The following REDIC1 variants were observed in gnomAD, a reference collection of about 807,000 sequenced individuals.
REDIC1 encodes HEI10 Interacting Protein 1.
At chr12:39,879,420 G>T in the REDIC1 span, among the ~76,000 whole-genome samples, 39,202 of 152,158 alleles carry the variant, frequency 0.26, 5,341 homozygotes, top group East Asian at 0.39. Context: ...CAGCCCTGGG[G>T]ACTGAACCCT....
chr12:39,649,712 T>C, the REDIC1 span, among the ~76,000 whole-genome samples: 2 of 151,932 alleles, frequency 1.3e-5, no homozygotes, highest in African/African-American at 2.4e-5. Context: ...GCCAATATAA[T>C]AAGTTACATT....
chr12:39,829,341 C>T, the REDIC1 span: 2 of 128,966 alleles, frequency 1.6e-5, no homozygotes, highest in Admixed American at 1.6e-4. Flanking sequence ...GAAAAGGCCT[C>T]TAAGAATAAA....
chr12:39,696,881 G>A, the REDIC1 span, among the ~76,000 whole-genome samples: 1 of 152,006 alleles, frequency 6.6e-6, no homozygotes, highest in Non-Finnish European at 1.5e-5. Context: ...CACAGTCAGA[G>A]GAGACAAAAG....
At chr12:39,714,859 C>T in the REDIC1 span, among the ~76,000 whole-genome samples, 4 of 151,942 alleles carry the variant, frequency 2.6e-5, no homozygotes, top group African/African-American at 9.6e-5. Flanking sequence ...ATTGGTATAT[C>T]TTCTTTTGAG....
the REDIC1 span, among the ~76,000 whole-genome samples, chr12:39,898,315 C>T: frequency 2.6e-5 from 4 of 152,012 alleles, no homozygotes; most frequent in Non-Finnish European, 5.9e-5. Flanking sequence ...CACCCACATG[C>T]CCAAAACATT....
At chr12:39,890,834 T>G in the REDIC1 span, among the ~76,000 whole-genome samples, 1 of 152,098 alleles carries the variant, frequency 6.6e-6, no homozygotes, top group Non-Finnish European at 1.5e-5. Flanking sequence ...TATACAGCTA[T>G]GAAAAATGTT....
chr12:39,687,884 A>T, the REDIC1 span, among the ~76,000 whole-genome samples: 7 of 152,344 alleles, frequency 4.6e-5, no homozygotes, highest in Admixed American at 4.6e-4. Context: ...GAGTTGCTAA[A>T]GTCTTCACAG....
chr12:39,896,538 ATGTATG>A, the REDIC1 span, among the ~76,000 whole-genome samples: 3 of 145,482 alleles, frequency 2.1e-5, no homozygotes, highest in Non-Finnish European at 4.5e-5. Flanking sequence ...ACATGTATGT[ATGTATG>A]TGTGTATACA....
At chr12:39,634,899 C>CTAA in the REDIC1 span, among the ~76,000 whole-genome samples, 1 of 151,358 alleles carries the variant, frequency 6.6e-6, no homozygotes, top group Non-Finnish European at 1.5e-5. Context: ...AGACAAAGGG[C>CTAA]TAATATCCAG....
chr12:39,743,666 A>G, the REDIC1 span, among the ~76,000 whole-genome samples: 2 of 152,200 alleles, frequency 1.3e-5, no homozygotes, highest in African/African-American at 4.8e-5. Context: ...GAAGGGCTGG[A>G]GACAACACTA....
chr12:39,760,354 A>G, the REDIC1 span: 7 of 1,052,228 alleles, frequency 6.7e-6, no homozygotes, highest in South Asian at 9.8e-5. Context: ...TCAGTCATGC[A>G]TAATCACAGT....
the REDIC1 span, among the ~76,000 whole-genome samples, chr12:39,638,099 A>G: frequency 6.6e-6 from 1 of 152,006 alleles, no homozygotes; most frequent in African/African-American, 2.4e-5. Context: ...AAACAAACAA[A>G]CAAACAACAA....
chr12:39,663,996 G>C, the REDIC1 span, among the ~76,000 whole-genome samples: 7 of 151,292 alleles, frequency 4.6e-5, no homozygotes, highest in African/African-American at 1.5e-4. Flanking sequence ...TAAGATTTCT[G>C]TTAAAAATTC....
chr12:39,760,804 G>T, the REDIC1 span, among the ~76,000 whole-genome samples: 1 of 151,876 alleles, frequency 6.6e-6, no homozygotes, highest in Non-Finnish European at 1.5e-5. Context: ...TAGCTAGTTT[G>T]GTTTTCTAAG....
chr12:39,723,664 A>G, the REDIC1 span, among the ~76,000 whole-genome samples: 1 of 152,024 alleles, frequency 6.6e-6, no homozygotes, highest in African/African-American at 2.4e-5. Flanking sequence ...TTCTGCACAC[A>G]TTTCTAATGT....
the REDIC1 span, among the ~76,000 whole-genome samples, chr12:39,710,985 A>G: frequency 1.3e-5 from 2 of 151,064 alleles, no homozygotes; most frequent in Non-Finnish European, 3.0e-5. Flanking sequence ...AGACCGGTGC[A>G]CCCATCACCC....
At chr12:39,646,563 G>A in the REDIC1 span, 2 of 1,139,686 alleles carry the variant, frequency 1.8e-6, no homozygotes, top group East Asian at 2.8e-5. Flanking sequence ...TCTACCCCCA[G>A]TTTTTGTTTG....
the REDIC1 span, among the ~76,000 whole-genome samples, chr12:39,733,361 C>T: frequency 7.2e-5 from 11 of 152,176 alleles, no homozygotes; most frequent in East Asian, 3.9e-4. Flanking sequence ...CATTTTACTA[C>T]GATATTCTGT....
At chr12:39,709,251 T>A in the REDIC1 span, among the ~76,000 whole-genome samples, 1 of 150,760 alleles carries the variant, frequency 6.6e-6, no homozygotes, top group Non-Finnish European at 1.5e-5. Context: ...ATTTTGCCAA[T>A]AGCTTTTTTT....
Sources: gnomAD v4.1 joint callset for allele counts (sites outside exome capture counted in the v4.1 genomes callset) on GRCh38, gnomAD v4.1.1 for gene constraint, MANE v1.5 for transcripts, NCBI Gene and HGNC (gene_info 2026-07-23, HGNC 2026-07-21) for gene names.